MYLK3: variants seen among roughly 807,000 people sequenced by gnomAD.
MYLK3 encodes the protein myosin light chain kinase 3, also known as MLC kinase.
MYLK3 carries 55 observed loss-of-function variants against 76.3 expected under a neutral mutation model. The observed-to-expected ratio is 0.72, with a 90% CI of 0.58 to 0.90. The LOEUF (loss-of-function observed/expected upper bound fraction) is 0.90. Ranked by LOEUF, MYLK3 falls within the 40% of genes least tolerant of loss-of-function variation. The pLI, the probability that MYLK3 is intolerant of heterozygous loss-of-function variation, is 0.00. For missense variants in MYLK3, 973 were observed against 1,053.6 expected (o/e 0.92, Z 1.06); for synonymous variants, 416 against 425.4 (o/e 0.98, Z 0.27).
chr16:46,729,514 C>T, intron 6 of MYLK3, 80 bp downstream of exon 6: 3 of 1,282,722 alleles, frequency 2.3e-6, no homozygotes, highest in Non-Finnish European at 3.4e-6. Context: ...TCCAGCTCAG[C>T]ATGGGAGCCT....
At position 46,721,120 on chromosome 16, in the gene MYLK3, T is replaced by TA; in HGVS notation, c.1985+2dup. On this transcript the variant is annotated splice_region_variant and intron_variant, in intron 9 of 12. Transcript: ENST00000394809. ...TTAAGGTATCTAAATAAAACCCCCT[T>TA]ACCTTCTGGCCAGCCCAAAGTCAAT... The TA allele has an allele frequency of 6.2e-7, 1 of 1,613,908 alleles. No individual in the cohort carries two copies. Among genetic ancestry groups the TA allele is most frequent in the South Asian group, 1.1e-5 (1 of 91,074 alleles).
chr16:46,716,497 A>ATG (rs869246629), intron 9 of MYLK3, among the ~76,000 whole-genome samples: 4,285 of 21,560 alleles, frequency 0.2, 139 homozygotes, highest in Middle Eastern at 0.27. Flanking sequence ...GTGTATATAT[A>ATG]TGTGTGTGTG....
At chr16:46,753,006 C>T (rs987870860), upstream of MYLK3, among the ~76,000 whole-genome samples, 7 of 152,172 alleles carry the variant, frequency 4.6e-5, no homozygotes, top group Non-Finnish European at 1.0e-4. Flanking sequence ...CCACCCGCAA[C>T]GATGAACAGA....
chr16:46,729,207 C>G, intron 6 of MYLK3, 74 bp from the exon 7 acceptor site: 1 of 1,142,400 alleles, frequency 8.8e-7, no homozygotes, highest in Non-Finnish European at 1.3e-6. Flanking sequence ...CCTCCCAAGA[C>G]AGACACAGAA....
At chr16:46,729,453 T>C (rs2143014685) in intron 6 of MYLK3, 141 bp downstream of exon 6, 2 of 776,394 alleles carry the variant, frequency 2.6e-6, no homozygotes, top group Non-Finnish European at 4.3e-6. Flanking sequence ...TGAAGGGGAC[T>C]GCCTGACTGG....
intron 1 of MYLK3, 127 bp downstream of exon 1, chr16:46,747,590 T>G: frequency 1.1e-6 from 1 of 908,160 alleles, no homozygotes; most frequent in Non-Finnish European, 1.7e-6. Context: ...GCTCTCCTTT[T>G]CCCCATCAAC....
chr16:46,729,189 C>G, intron 6 of MYLK3, 56 bp from the exon 7 acceptor site: 2 of 1,332,808 alleles, frequency 1.5e-6, no homozygotes, highest in Non-Finnish European at 2.2e-6. Flanking sequence ...AGAAGAGGAG[C>G]CAGCTGACCT....
At chr16:46,740,207 GACAT>G in intron 1 of MYLK3, 60 bp from the exon 2 acceptor site, 1 of 1,420,742 alleles carries the variant, frequency 7.0e-7, no homozygotes, top group Non-Finnish European at 9.9e-7. Flanking sequence ...TCAGGCCACA[GACAT>G]TTGTTTAGCA....
At chr16:46,726,169 T>C (rs943084864) in intron 8 of MYLK3, 1 of 152,226 alleles carries the variant, frequency 6.6e-6, no homozygotes, top group Non-Finnish European at 1.5e-5. Flanking sequence ...TCGATTATGT[T>C]CCATTGGTCT....
intron 8 of MYLK3, chr16:46,726,036 C>A (rs1292862221): frequency 6.6e-6 from 1 of 152,176 alleles, no homozygotes; most frequent in Non-Finnish European, 1.5e-5. Context: ...CAGTTTCATT[C>A]TCTTACATGT....
intron 9 of MYLK3, among the ~76,000 whole-genome samples, chr16:46,718,180 C>T (rs1966763868): frequency 6.6e-6 from 1 of 152,210 alleles, no homozygotes; most frequent in African/African-American, 2.4e-5. Context: ...TCAAAAAGGG[C>T]TCACTACAGG....
chr16:46,744,330 CTTTTT>C (rs71158891), intron 1 of MYLK3, among the ~76,000 whole-genome samples: 1 of 43,688 alleles, frequency 2.3e-5, no homozygotes, highest in Non-Finnish European at 3.7e-5. Flanking sequence ...CCACACCCAG[CTTTTT>C]TTTTTTTTTT....
rs774586080 is a variant in MYLK3 at position 46,737,837 on chromosome 16, C to A, written c.875G>T (p.Arg292Met). The change falls in exon 3 of 13, where the codon AGG becomes ATG. Residue 292 changes from arginine (R) to methionine (M), a missense_variant. Physicochemically the swap from Arg to Met is moderately conservative, Grantham distance 91 (BLOSUM62 -1). Coordinates refer to ENST00000394809, the MANE Select transcript of MYLK3 (RefSeq NM_182493.3). ...PGAGQGASSS[R>M]PDPEPLEEGT... The stretch of plus-strand genomic sequence containing the variant: ...TTCCTCTAAGGGCTCAGGGTCAGGC[C>A]TGCTGGACGATGCTCCTTGTCCTGC... 6.2e-7 allele frequency: 1 copy of A among 1,613,628 alleles called. No homozygotes were observed. Among genetic ancestry groups the A allele is most frequent in the African/African-American group, 1.3e-5 (1 of 74,928 alleles).
chr16:46,709,452 A>AG (rs930830322), intron 12 of MYLK3, 87 bp downstream of exon 12: 35 of 1,463,404 alleles, frequency 2.4e-5, no homozygotes, highest in Middle Eastern at 1.9e-4. Flanking sequence ...AGAAAAAAAA[A>AG]AAAAGAAAAG....
At chr16:46,726,705 G>A (rs1966842246) in intron 8 of MYLK3, 1 of 134,652 alleles carries the variant, frequency 7.4e-6, no homozygotes, top group Admixed American at 7.9e-5. Context: ...AAGAAAGAAA[G>A]AAAGAAAGAA....
In MYLK3 at chr16:46,748,285, T is replaced by A. The variant is rs958519041; in HGVS notation, c.-92A>T. 1 of 1,479,322 alleles carries A rather than the reference T, an allele frequency of 6.8e-7. No homozygotes were observed. The highest frequency in any genetic ancestry group is 1.4e-5 in the African/African-American group (1 of 71,442). 91.6% of individuals were successfully genotyped at this position (1,479,322 alleles called of 1,614,324 possible). ...CAGGCGGTGGTGTCTGCAAGGTCATTGTCCTCCGTAGCTGACAGACTCCTG... is the reference window on the plus strand; with the variant it reads ...CAGGCGGTGGTGTCTGCAAGGTCATAGTCCTCCGTAGCTGACAGACTCCTG... On this transcript the variant is annotated 5_prime_UTR_variant, in exon 1 of 13. Transcript: ENST00000394809. The surrounding 1 kb of genome is among the most constrained non-coding windows in gnomAD (Gnocchi z 4.3).
At chr16:46,740,553 T>TATATA (rs1316569378) in intron 1 of MYLK3, among the ~76,000 whole-genome samples, 1,270 of 88,328 alleles carry the variant, frequency 0.014, 10 homozygotes, top group African/African-American at 0.042. Context: ...ATATATATAT[T>TATATA]TTTTTTTTTT....
intron 12 of MYLK3, 105 bp downstream of exon 12, chr16:46,709,434 C>G: frequency 7.5e-7 from 1 of 1,328,742 alleles, no homozygotes; most frequent in Non-Finnish European, 1.0e-6. Context: ...AAAACAAACC[C>G]AAAAAGAAGA....
intron 1 of MYLK3, among the ~76,000 whole-genome samples, chr16:46,755,895 CTTTTTTCTTTCTTTTT>C (rs1567294207): frequency 1.5e-5 from 2 of 134,206 alleles, no homozygotes; most frequent in African/African-American, 2.7e-5. Context: ...GTTCTTTTTT[CTTTTTTCTTTCTTTTT>C]TTTTTTTTTT....
Sources: gnomAD v4.1 joint callset for allele counts (sites outside exome capture counted in the v4.1 genomes callset) on GRCh38, gnomAD v4.1.1 for gene constraint, Gnocchi (gnomAD v3.1) non-coding constraint, MANE v1.5 for transcripts, NCBI Gene and HGNC (gene_info 2026-07-23, HGNC 2026-07-21) for gene names.